Variants in UNC5C observed in about 807,000 individuals in gnomAD.
The protein encoded by UNC5C is netrin receptor UNC5C.
In UNC5C, 47 loss-of-function variants were observed where a neutral mutation model predicts 99.8. The ratio of observed to expected loss-of-function variants is 0.47; its 90% confidence interval spans 0.37 to 0.60. UNC5C has a LOEUF of 0.60. UNC5C is among the 20% of genes least tolerant of loss of function. The pLI, the probability that UNC5C is intolerant of heterozygous loss-of-function variation, is 0.00. For synonymous variants in UNC5C, 487 were observed against 452.2 expected (o/e 1.08, Z -0.98); for missense variants, 1,062 against 1,165.9 (o/e 0.91, Z 1.30).
intron 1 of UNC5C, among the ~76,000 whole-genome samples, chr4:95,406,217 T>C (rs115412029): frequency 0.014 from 2,113 of 152,310 alleles, 50 homozygotes; most frequent in African/African-American, 0.048. Flanking sequence ...CACTTCATCC[T>C]GACATGAAAA....
At chr4:95,374,328 ATATAT>A (rs1183404227) in intron 1 of UNC5C, among the ~76,000 whole-genome samples, 10 of 152,124 alleles carry the variant, frequency 6.6e-5, no homozygotes, top group Non-Finnish European at 1.3e-4. Flanking sequence ...TCTTCTAGAG[ATATAT>A]TATAAAGCTA....
At chr4:95,402,718 C>A (rs927039306) in intron 1 of UNC5C, among the ~76,000 whole-genome samples, 1 of 152,204 alleles carries the variant, frequency 6.6e-6, no homozygotes, top group Non-Finnish European at 1.5e-5. Context: ...GCAGCCTATA[C>A]TTTCCTCCTC....
At chr4:95,229,505 A>G (rs192599048) in intron 7 of UNC5C, among the ~76,000 whole-genome samples, 22 of 152,096 alleles carry the variant, frequency 1.4e-4, no homozygotes, top group Admixed American at 1.4e-3. Context: ...TATGTGCCAC[A>G]TTTTCTTTAA....
At chr4:95,228,923 A>G (rs903858446) in intron 7 of UNC5C, among the ~76,000 whole-genome samples, 4 of 152,214 alleles carry the variant, frequency 2.6e-5, no homozygotes, top group Non-Finnish European at 5.9e-5. Context: ...GAGGTGTACC[A>G]AACCTCAGCA....
intron 4 of UNC5C, among the ~76,000 whole-genome samples, chr4:95,259,901 T>C (rs541767855): frequency 3.9e-4 from 59 of 152,324 alleles, no homozygotes; most frequent in African/African-American, 1.4e-3. Context: ...TCCATTTCTT[T>C]TCTCCTAGTA....
intron 1 of UNC5C, among the ~76,000 whole-genome samples, chr4:95,467,957 A>C (rs1418847534): frequency 6.6e-6 from 1 of 152,128 alleles, no homozygotes; most frequent in Non-Finnish European, 1.5e-5. Flanking sequence ...ATCATCATAA[A>C]GGTCTTCATT....
chr4:95,221,100 C>T (rs1579242895), intron 7 of UNC5C, among the ~76,000 whole-genome samples: 1 of 152,142 alleles, frequency 6.6e-6, no homozygotes, highest in South Asian at 2.1e-4. Flanking sequence ...AACATGCTTG[C>T]ATCTAACTGG....
intron 1 of UNC5C, among the ~76,000 whole-genome samples, chr4:95,372,558 T>G (rs1449689644): frequency 6.6e-6 from 1 of 152,224 alleles, no homozygotes; most frequent in East Asian, 1.9e-4. Context: ...TTCCATAAAA[T>G]TGAGAAATAG....
chr4:95,457,597 T>C (rs997231744), intron 1 of UNC5C, among the ~76,000 whole-genome samples: 4 of 151,900 alleles, frequency 2.6e-5, no homozygotes, highest in Non-Finnish European at 5.9e-5. Context: ...ATGCTGTTAA[T>C]ATTTCAGCAG....
At chr4:95,252,954 A>C (rs1739800725) in intron 4 of UNC5C, among the ~76,000 whole-genome samples, 2 of 152,242 alleles carry the variant, frequency 1.3e-5, no homozygotes, top group Admixed American at 1.3e-4. Context: ...GGCTATGTGC[A>C]TAACATGCAT....
At chr4:95,363,199 TGGC>T (rs1744448986) in intron 1 of UNC5C, among the ~76,000 whole-genome samples, 8 of 152,136 alleles carry the variant, frequency 5.3e-5, no homozygotes, top group Non-Finnish European at 1.0e-4. Flanking sequence ...GGGGAGTCTC[TGGC>T]AGACAGCTGC....
At chr4:95,170,445 G>GCA in intron 14 of UNC5C, 113 bp from the exon 15 acceptor site, 2 of 1,261,190 alleles carry the variant, frequency 1.6e-6, no homozygotes, top group Non-Finnish European at 2.2e-6. Flanking sequence ...AATGAATGCT[G>GCA]TTATTCTTCT....
intron 1 of UNC5C, among the ~76,000 whole-genome samples, chr4:95,444,611 G>T (rs992575571): frequency 1.6e-4 from 24 of 152,272 alleles, no homozygotes; most frequent in South Asian, 6.2e-4. Context: ...GATTACAGGC[G>T]TGAGGCACCG....
intron 1 of UNC5C, among the ~76,000 whole-genome samples, chr4:95,360,044 A>G (rs1007536116): frequency 2.0e-5 from 3 of 152,092 alleles, no homozygotes; most frequent in African/African-American, 7.2e-5. Flanking sequence ...AATACTCAAT[A>G]CATAGACTTA....
intron 1 of UNC5C, among the ~76,000 whole-genome samples, chr4:95,540,373 G>A (rs2149495809): frequency 6.6e-6 from 1 of 152,272 alleles, no homozygotes; most frequent in South Asian, 2.1e-4. Context: ...TTTTTCCTCA[G>A]CTTCTGAGAG....
chr4:95,231,694 A>G (rs190040148), intron 7 of UNC5C, among the ~76,000 whole-genome samples: 173 of 152,302 alleles, frequency 1.1e-3, no homozygotes, highest in African/African-American at 4.0e-3. Context: ...AAACATGTCC[A>G]GATTTTCTTT....
intron 1 of UNC5C, among the ~76,000 whole-genome samples, chr4:95,488,696 C>T (rs185466724): frequency 6.6e-6 from 1 of 151,786 alleles, no homozygotes; most frequent in East Asian, 1.9e-4. Flanking sequence ...ATAACATTTC[C>T]AAAAGCTTTA....
At chr4:95,452,761 A>G (rs902143272) in intron 1 of UNC5C, among the ~76,000 whole-genome samples, 11 of 152,160 alleles carry the variant, frequency 7.2e-5, no homozygotes, top group African/African-American at 2.7e-4. Flanking sequence ...ATTGAGGTTT[A>G]AAGAATTATA....
intron 12 of UNC5C, among the ~76,000 whole-genome samples, chr4:95,195,756 C>T (rs1737354102): frequency 1.3e-5 from 2 of 152,170 alleles, no homozygotes; most frequent in South Asian, 4.1e-4. Flanking sequence ...AACCTCCTTT[C>T]TCTCTCTTCA....
Sources: gnomAD v4.1 joint callset for allele counts (sites outside exome capture counted in the v4.1 genomes callset) on GRCh38, gnomAD v4.1.1 for gene constraint, MANE v1.5 for transcripts, NCBI Gene and HGNC (gene_info 2026-07-23, HGNC 2026-07-21) for gene names.